The following RTEL1 variants were observed in gnomAD, a reference collection of about 807,000 sequenced individuals.
The protein encoded by RTEL1 is regulator of telomere length.
Under a neutral mutation model 162.2 loss-of-function variants are expected in RTEL1, and 86 were observed. That is an observed-to-expected ratio of 0.53 (90% confidence interval 0.45 to 0.63). The LOEUF (loss-of-function observed/expected upper bound fraction) is 0.63, where lower values mean the gene tolerates loss of function less well. Ranked by LOEUF, RTEL1 falls within the 30% of genes least tolerant of loss-of-function variation. The pLI, the probability that RTEL1 is intolerant of heterozygous loss-of-function variation, is 0.00. For synonymous variants in RTEL1, 958 were observed against 717.9 expected (o/e 1.33, Z -5.35); for missense variants, 1,941 against 1,750.2 (o/e 1.11, Z -1.95).
rs2090973525 is a variant in RTEL1, at chr20:63,696,103, A to AGCC, written c.*245_*246insGCC. The AGCC allele has an allele frequency of 1.8e-6, 1 of 553,128 alleles. No individual in the cohort carries two copies. Among genetic ancestry groups the AGCC allele is most frequent in the African/African-American group, 1.9e-5 (1 of 52,364 alleles). The allele number at this position is 553,128 out of a possible 1,614,324, so 34.3% of individuals were successfully genotyped here. A position where few individuals can be genotyped will look rare whatever the true frequency, so the allele number is the denominator to read the frequency against. On this transcript the variant is annotated 3_prime_UTR_variant, in exon 35 of 35. Coordinates refer to ENST00000360203, the MANE Select transcript of RTEL1 (RefSeq NM_001283009.2). ...GTTTCTGGGAAAGTGCTTCCCCAGA[A>AGCC]CTTCCCTGGCTCCTGGCCTGTGAGT... is the stretch of plus-strand genomic sequence containing the variant.
In RTEL1 at chr20:63,689,564, G is replaced by A. The variant is rs149374241; in HGVS notation, c.1941G>A (p.Pro647=). ...NGRGVIVTGL[P]YPPRMDPRVV... ...GTGGTGTGATTGTCACGGGCCTCCCGTACCCCCCACGCATGGACCCCCGGG... is the reference window on the plus strand; with the variant it reads ...GTGGTGTGATTGTCACGGGCCTCCCATACCCCCCACGCATGGACCCCCGGG... The change falls in exon 23 of 35, where the codon CCG becomes CCA. Residue 647 remains proline (P), a synonymous_variant. Transcript: ENST00000360203. 1.6e-5 allele frequency: 25 copies of A among 1,611,968 alleles called. No individual in the cohort carries two copies. The East Asian group carries it at 2.9e-4, about 19-fold the overall frequency.
chr20:63,684,767 C>T (rs2090553691), intron 14 of RTEL1, among the ~76,000 whole-genome samples: 1 of 151,882 alleles, frequency 6.6e-6, no homozygotes, highest in African/African-American at 2.4e-5. Flanking sequence ...GCCACCACGC[C>T]CGGCCTCTTG....
At chr20:63,692,520 A>G (rs912971295) in intron 28 of RTEL1, 3 of 511,912 alleles carry the variant, frequency 5.9e-6, no homozygotes, top group African/African-American at 1.9e-5. Context: ...GAGACGGGCC[A>G]TGCAGGACCC....
At chr20:63,665,759 C>T (rs1448811796) in intron 6 of RTEL1, among the ~76,000 whole-genome samples, 2 of 152,190 alleles carry the variant, frequency 1.3e-5, no homozygotes, top group Admixed American at 6.5e-5. Flanking sequence ...TGCTGGCCTC[C>T]GTCTGGTCCA....
At chr20:63,663,731 G>A (rs921938513) in intron 6 of RTEL1, among the ~76,000 whole-genome samples, 3 of 152,186 alleles carry the variant, frequency 2.0e-5, no homozygotes, top group Admixed American at 6.5e-5. Context: ...TGGGGCTCAA[G>A]CCTCAGGTGA....
rs141915461 is a variant in RTEL1 at position 63,662,634 on chromosome 20, T to C, written c.477+7T>C. 1.1e-5 allele frequency: 18 copies of C among 1,613,702 alleles called. No individual in the cohort carries two copies. In the East Asian group the frequency reaches 3.8e-4, roughly 34 times the overall value. On this transcript the variant is annotated splice_region_variant and intron_variant, in intron 5 of 34. Transcript: ENST00000360203. The stretch of plus-strand genomic sequence containing the variant: ...AGAGAGTAACCATCTACAGGTAGGC[T>C]CCTGGGCTCCCGCTCCGGCTCAGTG...
At chr20:63,695,271 C>T (rs2090947694) in intron 33 of RTEL1, 50 bp downstream of exon 33, 2 of 1,601,222 alleles carry the variant, frequency 1.2e-6, no homozygotes, top group Non-Finnish European at 1.7e-6. Flanking sequence ...CGCACGCAGC[C>T]CTGGGAGTGA....
intron 14 of RTEL1, chr20:63,681,649 T>C: frequency 3.0e-6 from 3 of 985,354 alleles, no homozygotes; most frequent in Non-Finnish European, 3.6e-6. Flanking sequence ...AAGCAGGCAC[T>C]GCCTTCTCCT....
At chr20:63,691,918 T>C (rs2145439979) in intron 28 of RTEL1, 81 bp downstream of exon 28, 2 of 1,103,584 alleles carry the variant, frequency 1.8e-6, no homozygotes. Flanking sequence ...CAGCCACGGC[T>C]GGTCCCGATG....
At chr20:63,684,440 G>A (rs112725271) in intron 14 of RTEL1, among the ~76,000 whole-genome samples, 4 of 151,668 alleles carry the variant, frequency 2.6e-5, no homozygotes, top group East Asian at 3.9e-4. Flanking sequence ...TGCAAGCTCC[G>A]CCTCCCGGGT....
intron 12 of RTEL1, 93 bp from the exon 13 acceptor site, chr20:63,679,756 C>G (rs182263609): frequency 5.2e-5 from 49 of 940,584 alleles, no homozygotes; most frequent in Non-Finnish European, 7.5e-5. Flanking sequence ...TGTCGTCCCC[C>G]CTCAGGCCCG....
rs141436916 is a variant in RTEL1, at chr20:63,689,102, C to T, written c.1848C>T (p.Gly616=). The T allele has an allele frequency of 4.2e-5, 67 of 1,610,402 alleles. No homozygotes were observed. The Admixed American group carries it at 7.8e-4, about 19-fold the overall frequency. The change falls in exon 22 of 35, where the codon GGC becomes GGT. Residue 616 remains glycine, a synonymous_variant. Transcript: ENST00000360203. ...YARVAAPGST[G]ATFLAVCRGK... ...GGGTTGCCGCCCCTGGGTCCACCGGCGCCACCTTCCTGGCGGTCTGCCGGG... is the reference window on the plus strand; with the variant it reads ...GGGTTGCCGCCCCTGGGTCCACCGGTGCCACCTTCCTGGCGGTCTGCCGGG...
rs779650280 is a variant in RTEL1 at position 63,688,129 on chromosome 20, C to G, written c.1596-10C>G. 1.6e-5 allele frequency: 25 copies of G among 1,612,524 alleles called. No homozygotes were observed. In the South Asian group the frequency reaches 2.7e-4, roughly 18 times the overall value. The stretch of plus-strand genomic sequence containing the variant: ...CCTGAGGTCCTGAGCAGTGGCCTCT[C>G]CGGCTCTAGGTTTTCCGAGGAGTGC... On this transcript the variant is annotated splice_polypyrimidine_tract_variant and intron_variant, in intron 18 of 34. Transcript: ENST00000360203.
chr20:63,690,694 C>T (rs771721719), intron 26 of RTEL1, 111 bp from the exon 27 acceptor site: 8 of 1,278,722 alleles, frequency 6.3e-6, no homozygotes, highest in South Asian at 1.5e-5. Flanking sequence ...AGGACACCCA[C>T]AGGCAGGACC....
chr20:63,695,236 T>C lies in RTEL1; in HGVS notation c.3499+15T>C, dbSNP rs546556686. On this transcript the variant is annotated intron_variant, in intron 33 of 34. Coordinates refer to ENST00000360203, the MANE Select transcript of RTEL1 (RefSeq NM_001283009.2). ...TCCCCAACCAGGTAGGGCACCTGCC[T>C]GGCTGCTCCTGGCAGCGCCCCAACC... The C allele has an allele frequency of 2.6e-4, 419 of 1,609,572 alleles. 6 individuals are homozygous for C. In the South Asian group the frequency reaches 4.3e-3, roughly 17 times the overall value.
chr20:63,685,061 T>A (rs1300026176), intron 14 of RTEL1, among the ~76,000 whole-genome samples: 2 of 151,140 alleles, frequency 1.3e-5, no homozygotes, highest in Non-Finnish European at 3.0e-5. Flanking sequence ...TTTTTTTTTT[T>A]TTTGGTGAAC....
chr20:63,688,782 C>T (rs1236685269), intron 21 of RTEL1, 177 bp downstream of exon 21: 1 of 653,726 alleles, frequency 1.5e-6, no homozygotes, highest in South Asian at 1.9e-5. Context: ...TTACAAAGCC[C>T]CCAGCACCGG....
chr20:63,689,376 C>T (rs2090671184), intron 22 of RTEL1, 126 bp from the exon 23 acceptor site: 1 of 1,189,614 alleles, frequency 8.4e-7, no homozygotes, highest in Admixed American at 2.9e-5. Context: ...GGGTCCTGAC[C>T]CACAGATGGA....
intron 28 of RTEL1, 66 bp downstream of exon 28, chr20:63,691,903 GC>G (rs2090755768): frequency 1.5e-6 from 2 of 1,352,414 alleles, no homozygotes; most frequent in Non-Finnish European, 2.1e-6. Context: ...AGCCGTGGGT[GC>G]CCCCAGCCAC....
Sources: gnomAD v4.1 joint callset for allele counts (sites outside exome capture counted in the v4.1 genomes callset) on GRCh38, gnomAD v4.1.1 for gene constraint, MANE v1.5 for transcripts, NCBI Gene and HGNC (gene_info 2026-07-23, HGNC 2026-07-21) for gene names.